Variants in WDR48 observed in about 807,000 individuals in gnomAD.
The protein encoded by WDR48 is WD repeat-containing protein 48.
Under a neutral mutation model 94.0 loss-of-function variants are expected in WDR48, and 22 were observed. The ratio of observed to expected loss-of-function variants is 0.23; its 90% confidence interval spans 0.17 to 0.33. The LOEUF (loss-of-function observed/expected upper bound fraction) is 0.33, where lower values mean the gene tolerates loss of function less well. Among genes scored for constraint, WDR48 ranks in the 10% least tolerant of loss-of-function variants. WDR48 has a pLI of 1.00. For synonymous variants in WDR48, 278 were observed against 280.5 expected (o/e 0.99, Z 0.09); for missense variants, 541 against 813.8 (o/e 0.66, Z 4.08).
intron 17 of WDR48, among the ~76,000 whole-genome samples, chr3:39,092,906 C>CACACACACA (rs1340352588): frequency 6.6e-6 from 1 of 151,680 alleles, no homozygotes; most frequent in Non-Finnish European, 1.5e-5. Context: ...CACACACACA[C>CACACACACA]AATTATTTTA....
At chr3:39,079,615 T>C (rs2034415357) in intron 10 of WDR48, 96 bp from the exon 11 acceptor site, 2 of 834,334 alleles carry the variant, frequency 2.4e-6, no homozygotes, top group Non-Finnish European at 3.7e-6. Context: ...TAGTACAGTT[T>C]ATGTTCCTGT....
chr3:39,060,543 T>C (rs2033194157), intron 1 of WDR48, among the ~76,000 whole-genome samples: 1 of 152,212 alleles, frequency 6.6e-6, no homozygotes, highest in African/African-American at 2.4e-5. Context: ...TGAACATTCT[T>C]GTACATAGAA....
chr3:39,066,451 T>C (rs2125647389), intron 3 of WDR48, 97 bp from the exon 4 acceptor site: 1 of 1,012,658 alleles, frequency 9.9e-7, no homozygotes. Flanking sequence ...AGAGAGAGAA[T>C]ATGTTAGTTT....
At chr3:39,076,456 G>A (rs1369085286) in intron 8 of WDR48, among the ~76,000 whole-genome samples, 1 of 152,172 alleles carries the variant, frequency 6.6e-6, no homozygotes, top group Admixed American at 6.5e-5. Flanking sequence ...AAGACTGAAA[G>A]AACTTGGCAC....
intron 1 of WDR48, among the ~76,000 whole-genome samples, chr3:39,062,158 T>C (rs1575395905): frequency 6.6e-6 from 1 of 152,260 alleles, no homozygotes; most frequent in African/African-American, 2.4e-5. Context: ...TTTGGTGTTT[T>C]AGTCATGAAG....
At chr3:39,052,758 C>T (rs2032543701) in intron 1 of WDR48, among the ~76,000 whole-genome samples, 1 of 152,178 alleles carries the variant, frequency 6.6e-6, no homozygotes, top group Non-Finnish European at 1.5e-5. Flanking sequence ...AAAGAGTTGT[C>T]TAATCTTACC....
rs1425421893 is a variant in WDR48, at chr3:39,082,298, T to C, written c.1174-1857T>C. Among the ~76,000 whole-genome samples, 9 of 152,206 alleles carry C rather than the reference T, an allele frequency of 5.9e-5. No homozygotes were observed. In the South Asian group the frequency reaches 1.2e-3, roughly 21 times the overall value. On this transcript the variant is annotated intron_variant, in intron 11 of 18. Transcript: ENST00000302313. ...TGATACTTTTTTTTTTCTTTTTTTT[T>C]TGATACGGAGTCTCATTCTGTTGCC...
chr3:39,092,694 G>A (rs1252988448), intron 17 of WDR48, among the ~76,000 whole-genome samples: 1 of 152,086 alleles, frequency 6.6e-6, no homozygotes, highest in African/African-American at 2.4e-5. Flanking sequence ...TGAACAATAT[G>A]TATTCTAGCA....
intron 10 of WDR48, among the ~76,000 whole-genome samples, chr3:39,078,837 C>T (rs1370359366): frequency 1.4e-4 from 21 of 151,584 alleles, no homozygotes; most frequent in Middle Eastern, 3.4e-3. Context: ...GAGACCATCC[C>T]GGCTAAAACG....
chr3:39,093,910 A>G lies in WDR48; in HGVS notation c.1782A>G (p.Arg594=). 6.2e-7 allele frequency: 1 copy of G among 1,612,476 alleles called. No individual in the cohort carries two copies. The highest frequency in any genetic ancestry group is 2.2e-5 in the East Asian group (1 of 44,864). ...RLSASDMLQV[R]KVMEHVYEKI... ...CTGCTAGTGACATGCTCCAAGTCCGAAAAGTTATGGAACATGTTTATGAAA... is the reference window on the plus strand; with the variant it reads ...CTGCTAGTGACATGCTCCAAGTCCGGAAAGTTATGGAACATGTTTATGAAA... Residue 594 remains arginine (R), a synonymous_variant, in exon 18 of 19, where the codon CGA becomes CGG. Coordinates refer to ENST00000302313, the MANE Select transcript of WDR48 (RefSeq NM_020839.4).
intron 8 of WDR48, among the ~76,000 whole-genome samples, chr3:39,076,174 AAATGCG>A (rs1166836255): frequency 6.6e-6 from 1 of 152,240 alleles, no homozygotes; most frequent in Non-Finnish European, 1.5e-5. Flanking sequence ...AATGGAGGTC[AAATGCG>A]ACGGTTGGGA....
chr3:39,069,741 G>T lies in WDR48; in HGVS notation c.669G>T (p.Thr223=). The T allele has an allele frequency of 6.2e-7, 1 of 1,611,410 alleles. No individual in the cohort carries two copies. Among genetic ancestry groups the T allele is most frequent in the Non-Finnish European group, 8.5e-7 (1 of 1,178,326 alleles). Residue 223 remains threonine (T), a synonymous_variant, in exon 7 of 19, where the codon ACG becomes ACT. Coordinates refer to ENST00000302313, the MANE Select transcript of WDR48 (RefSeq NM_020839.4). ...VKALLLNRDG[T]QCLSGSSDGT... Reference sequence around the variant, plus strand: ...CATTGCTATTAAACAGAGATGGCACGCAAGTATGCAGTTTCATTTGGGTGT... The same window carrying T: ...CATTGCTATTAAACAGAGATGGCACTCAAGTATGCAGTTTCATTTGGGTGT...
intron 1 of WDR48, 64 bp downstream of exon 1, chr3:39,052,137 G>T: frequency 6.2e-7 from 1 of 1,600,204 alleles, no homozygotes; most frequent in Non-Finnish European, 8.5e-7. Flanking sequence ...ACTCCAGCTA[G>T]AAGGTGCCCG....
At chr3:39,068,935 G>A in intron 6 of WDR48, 76 bp downstream of exon 6, 1 of 1,143,892 alleles carries the variant, frequency 8.7e-7, no homozygotes, top group Admixed American at 2.2e-5. Flanking sequence ...TTTTAAGCAG[G>A]TATTTTACGA....
intron 16 of WDR48, chr3:39,089,550 A>G (rs1330805940): frequency 7.0e-6 from 2 of 283,732 alleles, no homozygotes; most frequent in South Asian, 1.1e-4. Flanking sequence ...CAACAAAATA[A>G]TAAATGAATG....
intron 10 of WDR48, among the ~76,000 whole-genome samples, 183 bp downstream of exon 10, chr3:39,078,422 T>C (rs1454433896): frequency 6.6e-6 from 1 of 152,054 alleles, no homozygotes; most frequent in Non-Finnish European, 1.5e-5. Context: ...GCTTTTTGTT[T>C]TGTTTTGTTT....
chr3:39,085,203 G>C (rs867884733), intron 13 of WDR48, among the ~76,000 whole-genome samples: 2 of 151,636 alleles, frequency 1.3e-5, no homozygotes. Flanking sequence ...CTCCAGCCTG[G>C]GTGACAGAGC....
intron 1 of WDR48, among the ~76,000 whole-genome samples, chr3:39,060,133 AGTG>A (rs2033159239): frequency 6.6e-6 from 1 of 152,146 alleles, no homozygotes; most frequent in African/African-American, 2.4e-5. Context: ...TGTACAATTC[AGTG>A]ATTTTTTTGT....
At chr3:39,068,634 A>G (rs1264463395) in intron 5 of WDR48, 137 bp from the exon 6 acceptor site, 6 of 573,538 alleles carry the variant, frequency 1.0e-5, no homozygotes, top group African/African-American at 9.2e-5. Context: ...ATTTATCTCC[A>G]TTATAGGTAG....
Sources: gnomAD v4.1 joint callset for allele counts (sites outside exome capture counted in the v4.1 genomes callset) on GRCh38, gnomAD v4.1.1 for gene constraint, MANE v1.5 for transcripts, NCBI Gene and HGNC (gene_info 2026-07-23, HGNC 2026-07-21) for gene names.